Variants in MACF1 observed in about 807,000 individuals in gnomAD.
MACF1 encodes the protein microtubule-actin cross-linking factor 1.
MACF1 carries 193 observed loss-of-function variants against 854.8 expected under a neutral mutation model. That is an observed-to-expected ratio of 0.23 (90% CI 0.20 to 0.25). The LOEUF (loss-of-function observed/expected upper bound fraction) is 0.25. Ranked by LOEUF, MACF1 falls within the 10% of genes least tolerant of loss-of-function variation. The pLI, the probability that MACF1 is intolerant of heterozygous loss-of-function variation, is 1.00. For missense variants in MACF1, 7,722 were observed against 8,929.1 expected (o/e 0.86, Z 5.45); for synonymous variants, 3,185 against 3,226.7 (o/e 0.99, Z 0.44).
upstream of MACF1, among the ~76,000 whole-genome samples, chr1:39,200,209 C>T (rs909889426): frequency 3.2e-4 from 48 of 152,278 alleles, no homozygotes; most frequent in Admixed American, 8.5e-4. Flanking sequence ...CTTTTTAGAA[C>T]GCTTTCACCT....
At position 39,233,007 on chromosome 1, in the gene MACF1, TTTG is replaced by T. The variant is rs541207629; in HGVS notation, c.171+1787_171+1789del. ...CTGTGCTGCCCAGGTCTTTCTTGTTTTTGTTGTTGTTGTTGTTGTTGTTGTGTT... is the reference window on the plus strand; with the variant it reads ...CTGTGCTGCCCAGGTCTTTCTTGTTTTTGTTGTTGTTGTTGTTGTTGTGTT... On this transcript the variant is annotated intron_variant, in intron 2 of 100. Coordinates refer to ENST00000564288, the MANE Select transcript of MACF1 (RefSeq NM_001394062.1). Among the ~76,000 whole-genome samples, 319 of 139,494 alleles carry T rather than the reference TTTG, an allele frequency of 2.3e-3. 2 individuals carry two copies. Among genetic ancestry groups the T allele is most frequent in the African/African-American group, 7.6e-3 (292 of 38,424 alleles). The allele number at this position is 139,494 out of a possible 152,430, so 91.5% of individuals were successfully genotyped here.
intron 2 of MACF1, among the ~76,000 whole-genome samples, chr1:39,087,455 A>G (rs952824187): frequency 2.6e-5 from 4 of 152,174 alleles, no homozygotes; most frequent in Non-Finnish European, 5.9e-5. Flanking sequence ...TCAGTCTACA[A>G]AGCCAAACAG....
intron 2 of MACF1, among the ~76,000 whole-genome samples, chr1:39,247,841 G>A (rs1482702184): frequency 6.6e-6 from 1 of 152,118 alleles, no homozygotes; most frequent in East Asian, 1.9e-4. Flanking sequence ...GGCCAACATG[G>A]TGAAACCCCG....
At chr1:39,145,143 T>A (rs945712891) in intron 2 of MACF1, among the ~76,000 whole-genome samples, 28 of 152,296 alleles carry the variant, frequency 1.8e-4, no homozygotes, top group African/African-American at 6.7e-4. Context: ...TATTACAGAT[T>A]TATGAGCTCT....
chr1:39,351,087 C>A, intron 43 of MACF1, 69 bp downstream of exon 43: 1 of 1,132,216 alleles, frequency 8.8e-7, no homozygotes, highest in Non-Finnish European at 1.3e-6. Flanking sequence ...AAATAAAAGA[C>A]AGTGAGGGGA....
Position 39,133,264 on chromosome 1 carries a change from T to C in MACF1, c.220+48826T>C, listed in dbSNP as rs538747740. Among the ~76,000 whole-genome samples, 11 of 152,294 alleles carry C rather than the reference T, an allele frequency of 7.2e-5. No homozygotes were observed. In the South Asian group the frequency reaches 2.1e-3, roughly 29 times the overall value. ...GGTTGCTAACAAGCAGCGCCGCCTG[T>C]GGACCTGCACAGCCACTTGTTTTCC... On this transcript the variant is annotated intron_variant, in intron 2 of 93. Transcript: ENST00000361689.
chr1:39,480,333 T>G (rs1350805792), intron 98 of MACF1, among the ~76,000 whole-genome samples: 1 of 152,206 alleles, frequency 6.6e-6, no homozygotes, highest in East Asian at 1.9e-4. Context: ...AAATCCAGGC[T>G]GGACACAGTG....
At chr1:39,213,523 CG>C (rs1170447575) in intron 1 of MACF1, among the ~76,000 whole-genome samples, 4 of 151,950 alleles carry the variant, frequency 2.6e-5, no homozygotes, top group Non-Finnish European at 5.9e-5. Flanking sequence ...TAGTTAGAGT[CG>C]GGGTTTTACC....
chr1:39,289,522 G>A (rs539415056), intron 15 of MACF1, among the ~76,000 whole-genome samples: 7 of 151,794 alleles, frequency 4.6e-5, no homozygotes, highest in Non-Finnish European at 8.8e-5. Context: ...GTGCCTGTTT[G>A]CCATTTGTAT....
intron 93 of MACF1, 116 bp downstream of exon 93, chr1:39,462,153 T>G: frequency 1.0e-6 from 1 of 982,392 alleles, no homozygotes; most frequent in Non-Finnish European, 1.5e-6. Flanking sequence ...GAGATAATTA[T>G]TTGGAGTTCT....
At position 39,361,353 on chromosome 1, in the gene MACF1, A is replaced by G. The variant is rs755664674; in HGVS notation, c.12454-7A>G. ...CCAGGAGCTGACAGACGTGTTCTTC[A>G]TGACAGAAATTGAAGCAGGACATTG... On this transcript the variant is annotated splice_region_variant and splice_polypyrimidine_tract_variant and intron_variant, in intron 48 of 100. Coordinates refer to ENST00000564288, the MANE Select transcript of MACF1 (RefSeq NM_001394062.1). The G allele has an allele frequency of 2.5e-6, 4 of 1,610,528 alleles. No individual in the cohort carries two copies. Among genetic ancestry groups the G allele is most frequent in the East Asian group, 2.2e-5 (1 of 44,796 alleles).
intron 2 of MACF1, chr1:39,120,851 A>G (rs1642686294): frequency 6.6e-6 from 1 of 152,236 alleles, no homozygotes; most frequent in Non-Finnish European, 1.5e-5. Flanking sequence ...TTACACTCTA[A>G]GTTATTTTAA....
chr1:39,169,078 A>G (rs1243891925), intron 2 of MACF1, among the ~76,000 whole-genome samples: 5 of 152,084 alleles, frequency 3.3e-5, no homozygotes, highest in African/African-American at 4.8e-5. Context: ...CCCATTTTCA[A>G]TCTGTCATTG....
At chr1:39,448,481 T>C in intron 83 of MACF1, 113 bp from the exon 84 acceptor site, 1 of 820,192 alleles carries the variant, frequency 1.2e-6, no homozygotes, top group Non-Finnish European at 1.8e-6. Context: ...TCAAAAAAAG[T>C]GGTGATATTC....
chr1:39,347,298 T>C, intron 41 of MACF1, 88 bp downstream of exon 41: 2 of 991,128 alleles, frequency 2.0e-6, no homozygotes, highest in East Asian at 2.5e-5. Context: ...TGTATCATGA[T>C]TGCAGGAGCC....
chr1:39,308,775 C>T (rs1251958772), intron 23 of MACF1, among the ~76,000 whole-genome samples: 1 of 152,052 alleles, frequency 6.6e-6, no homozygotes, highest in Non-Finnish European at 1.5e-5. Flanking sequence ...CCTGCCTCAG[C>T]CTCCCAAGTA....
Position 39,430,780 on chromosome 1 carries a change from G to C in MACF1, c.17209G>C (p.Val5737Leu). The C allele has an allele frequency of 1.9e-6, 3 of 1,612,478 alleles. No individual in the cohort carries two copies. The highest frequency in any genetic ancestry group is 2.5e-6 in the Non-Finnish European group (3 of 1,179,996). Residue 5737 changes from valine (V) to leucine (L), a missense_variant, in exon 66 of 101, where the codon GTG becomes CTG. By Grantham distance (32) the Val-to-Leu change is conservative. Transcript: ENST00000564288. ...GGTGAGCCGTGCTCTCTTAGAGCTG[G>C]TGCCCTGGAGAGCCAGAGAAGGGCT... ...NEVSRALLEL[V>L]PWRAREGLDK...
chr1:39,146,021 G>T (rs1419035052), intron 2 of MACF1, among the ~76,000 whole-genome samples: 1 of 152,082 alleles, frequency 6.6e-6, no homozygotes, highest in Admixed American at 6.5e-5. Context: ...CCACTCCTTA[G>T]GTTTATACCC....
In MACF1 at chr1:39,368,314, G is replaced by A. The variant is rs376448874; in HGVS notation, c.12938G>A (p.Arg4313Lys). ...GAGCTACAGAAGACAGTTAAAGAGA[G>A]GTGAGTTATCACTTGTGTTGGTCAG... is the stretch of plus-strand genomic sequence containing the variant. ...FTELQKTVKE[R>K]EKDASSCQEQ... The change falls in exon 50 of 101, where the codon AGA (arginine) becomes AAA (lysine). Residue 4313 changes from arginine (R) to lysine (K), a missense_variant and splice_region_variant. Arg to Lys is a conservative substitution (Grantham distance 26, BLOSUM62 2). Coordinates refer to ENST00000564288, the MANE Select transcript of MACF1 (RefSeq NM_001394062.1). 1 of 1,611,656 alleles carries A rather than the reference G, an allele frequency of 6.2e-7. No individual in the cohort carries two copies. The highest frequency in any genetic ancestry group is 8.5e-7 in the Non-Finnish European group (1 of 1,178,148).
Sources: gnomAD v4.1 joint callset for allele counts (sites outside exome capture counted in the v4.1 genomes callset) on GRCh38, gnomAD v4.1.1 for gene constraint, MANE v1.5 for transcripts, NCBI Gene and HGNC (gene_info 2026-07-23, HGNC 2026-07-21) for gene names.